PRELID2: variants seen among roughly 807,000 people sequenced by gnomAD.
PRELID2 encodes PRELI domain containing 2, also known as PRELI domain-containing protein 2.
In PRELID2, 25 loss-of-function variants were observed where a neutral mutation model predicts 28.4. The observed-to-expected ratio is 0.88, with a 90% CI of 0.64 to 1.23. The LOEUF is 1.23. PRELID2 is among the 50% of genes most tolerant of loss of function. The pLI is 0.00. For missense variants in PRELID2, 201 were observed against 214.4 expected (o/e 0.94, Z 0.39); for synonymous variants, 76 against 71.6 (o/e 1.06, Z -0.31).
At chr5:145,623,282 T>C (rs755986317) in intron 1 of PRELID2, among the ~76,000 whole-genome samples, 1 of 151,760 alleles carries the variant, frequency 6.6e-6, no homozygotes, top group Non-Finnish European at 1.5e-5. Context: ...ACCCCGTCTC[T>C]ACTAAAAATA....
At chr5:145,582,193 C>A (rs1050999753) in intron 1 of PRELID2, among the ~76,000 whole-genome samples, 1 of 152,058 alleles carries the variant, frequency 6.6e-6, no homozygotes, top group East Asian at 1.9e-4. Flanking sequence ...CTGTATTAGT[C>A]CGTTTTCACA....
the PRELID2 span, among the ~76,000 whole-genome samples, chr5:145,322,270 A>T: frequency 6.6e-6 from 1 of 152,184 alleles, no homozygotes; most frequent in Non-Finnish European, 1.5e-5. Context: ...TATCCCTCTT[A>T]TATAGAGATA....
In PRELID2 at chr5:145,823,162, A is replaced by G. The variant is rs559547860; in HGVS notation, c.76-28T>C. The G allele has an allele frequency of 2.6e-5, 28 of 1,087,206 alleles. No homozygotes were observed. The South Asian group carries it at 3.4e-4, about 13-fold the overall frequency. The allele number at this position is 1,087,206 out of a possible 1,614,324, so 67.3% of individuals were successfully genotyped here. On this transcript the variant is annotated intron_variant, in intron 1 of 6. Coordinates refer to ENST00000683046, the MANE Select transcript of PRELID2 (RefSeq NM_205846.3). ...AAACAAAAATATATAAAAAAGAATT[A>G]CCATTAATCTTCTACCAAGGTGAAC...
chr5:145,545,788 AGAT>A (rs1367613263), intron 1 of PRELID2, among the ~76,000 whole-genome samples: 1 of 152,198 alleles, frequency 6.6e-6, no homozygotes, highest in Non-Finnish European at 1.5e-5. Context: ...TACTTTCTCC[AGAT>A]GATTGATTAT....
At chr5:145,327,944 C>T in the PRELID2 span, among the ~76,000 whole-genome samples, 3 of 151,896 alleles carry the variant, frequency 2.0e-5, no homozygotes, top group Non-Finnish European at 4.4e-5. Context: ...CTCCCCCCAT[C>T]CCCCAACAGG....
chr5:145,614,662 T>C (rs113141940), intron 1 of PRELID2, among the ~76,000 whole-genome samples: 3,456 of 152,274 alleles, frequency 0.023, 138 homozygotes, highest in African/African-American at 0.078. Flanking sequence ...GAGCTACTGA[T>C]TTGTGTACAT....
intron 1 of PRELID2, among the ~76,000 whole-genome samples, chr5:145,672,199 C>T (rs1754721188): frequency 6.6e-6 from 1 of 151,958 alleles, no homozygotes; most frequent in Admixed American, 6.6e-5. Flanking sequence ...CACTGAAGCA[C>T]AAAAAGCTAG....
At chr5:145,628,081 G>A (rs1753876712) in intron 1 of PRELID2, among the ~76,000 whole-genome samples, 1 of 152,074 alleles carries the variant, frequency 6.6e-6, no homozygotes, top group East Asian at 1.9e-4. Context: ...TTACATACAT[G>A]ACTTGGGAAC....
At chr5:145,375,430 TTG>T in the PRELID2 span, among the ~76,000 whole-genome samples, 4 of 152,146 alleles carry the variant, frequency 2.6e-5, no homozygotes, top group Admixed American at 2.6e-4. Flanking sequence ...CTGACAATCC[TTG>T]TTGGAGGGTC....
intron 1 of PRELID2, chr5:145,703,935 AT>A (rs1755476131): frequency 6.6e-6 from 1 of 152,228 alleles, no homozygotes; most frequent in South Asian, 2.1e-4. Flanking sequence ...GTCATGGCAT[AT>A]TTTATTCAAC....
At chr5:145,508,912 T>C (rs904669500) in intron 1 of PRELID2, among the ~76,000 whole-genome samples, 1 of 152,184 alleles carries the variant, frequency 6.6e-6, no homozygotes, top group African/African-American at 2.4e-5. Flanking sequence ...TTTTCTGAAC[T>C]GAGGCTTGAC....
At chr5:145,231,195 G>C in the PRELID2 span, among the ~76,000 whole-genome samples, 13,097 of 152,020 alleles carry the variant, frequency 0.086, 1,240 homozygotes, top group African/African-American at 0.24. Flanking sequence ...ACCAGGGCAG[G>C]TCCTAAAGAT....
the PRELID2 span, among the ~76,000 whole-genome samples, chr5:145,300,346 C>A: frequency 6.6e-6 from 1 of 152,118 alleles, no homozygotes; most frequent in Non-Finnish European, 1.5e-5. Flanking sequence ...TTTAAGGCCA[C>A]AATCTGAATT....
At chr5:145,817,866 C>G in intron 4 of PRELID2, 28 bp downstream of exon 4, 1 of 1,471,630 alleles carries the variant, frequency 6.8e-7, no homozygotes, top group Admixed American at 2.5e-5. Context: ...GCAACCAAAA[C>G]ACACACACAT....
chr5:145,707,816 G>C (rs532261938), intron 1 of PRELID2, among the ~76,000 whole-genome samples: 32 of 152,202 alleles, frequency 2.1e-4, no homozygotes, highest in African/African-American at 7.7e-4. Flanking sequence ...AAATTATGAA[G>C]TACTGTATAC....
intron 1 of PRELID2, among the ~76,000 whole-genome samples, chr5:145,628,320 A>G (rs1216660224): frequency 1.3e-5 from 2 of 151,878 alleles, no homozygotes; most frequent in Non-Finnish European, 2.9e-5. Context: ...TGAAAAATGC[A>G]TTCTTTTTTA....
the PRELID2 span, among the ~76,000 whole-genome samples, chr5:145,414,472 A>T: frequency 6.6e-6 from 1 of 152,118 alleles, no homozygotes; most frequent in Admixed American, 6.6e-5. Flanking sequence ...TTACTTATTT[A>T]TTATTATTTC....
intron 1 of PRELID2, among the ~76,000 whole-genome samples, chr5:145,557,949 C>T (rs1580977082): frequency 6.6e-6 from 1 of 152,138 alleles, no homozygotes; most frequent in African/African-American, 2.4e-5. Context: ...GAAAAACAGT[C>T]TGTGAGAACA....
chr5:145,658,545 CAGTT>C (rs1754434274), intron 1 of PRELID2, among the ~76,000 whole-genome samples: 1 of 152,158 alleles, frequency 6.6e-6, no homozygotes, highest in African/African-American at 2.4e-5. Context: ...AGTACTTGCT[CAGTT>C]AGTTCACATG....
Sources: gnomAD v4.1 joint callset for allele counts (sites outside exome capture counted in the v4.1 genomes callset) on GRCh38, gnomAD v4.1.1 for gene constraint, MANE v1.5 for transcripts, NCBI Gene and HGNC (gene_info 2026-07-23, HGNC 2026-07-21) for gene names.